ZSWIM4: variants seen among roughly 807,000 people sequenced by gnomAD.
The protein encoded by ZSWIM4 is zinc finger SWIM-type containing 4.
Under a neutral mutation model 102.5 loss-of-function variants are expected in ZSWIM4, and 62 were observed. The observed-to-expected ratio is 0.60, with a 90% CI of 0.49 to 0.75. The LOEUF (loss-of-function observed/expected upper bound fraction) is 0.75, where lower values mean the gene tolerates loss of function less well. ZSWIM4 is among the 30% of genes least tolerant of loss of function. The pLI, the probability that ZSWIM4 is intolerant of heterozygous loss-of-function variation, is 0.00. For synonymous variants in ZSWIM4, 652 were observed against 674.5 expected (o/e 0.97, Z 0.52); for missense variants, 1,280 against 1,529.6 (o/e 0.84, Z 2.72).
chr19:13,830,694 A>G lies in ZSWIM4; in HGVS notation c.2965A>G (p.Ser989Gly). ...LSAIVPLIIRSIHCAPMLSDI... is the reference protein window; with the variant it reads ...LSAIVPLIIRGIHCAPMLSDI... Reference sequence around the variant, plus strand: ...TGCCATCGTCCCCCTCATCATTCGCAGCATCCACTGTGCCCCAATGCTGTC... The same window carrying G: ...TGCCATCGTCCCCCTCATCATTCGCGGCATCCACTGTGCCCCAATGCTGTC... The change falls in exon 14 of 14, where the codon AGC (serine) becomes GGC (glycine). Residue 989 changes from serine to glycine, a missense_variant. Coordinates refer to ENST00000590508, the MANE Select transcript of ZSWIM4 (RefSeq NM_001367834.3). 6.2e-7 allele frequency: 1 copy of G among 1,606,776 alleles called. No individual in the cohort carries two copies. Among genetic ancestry groups the G allele is most frequent in the South Asian group, 1.1e-5 (1 of 90,944 alleles).
rs148123367 is a variant in ZSWIM4 at position 13,799,815 on chromosome 19, G to T, written c.249G>T (p.Ser83=). The T allele has an allele frequency of 3.5e-5, 57 of 1,613,864 alleles. 1 individual carries two copies. In the African/African-American group the frequency reaches 7.2e-4, roughly 20 times the overall value. ...PRSEREICMY[S]SLGYPPPEGE... ...GTGAACGGGAAATATGTATGTACTC[G>T]TCGCTGGGTTACCCGCCCCCAGAGG... Residue 83 remains serine (S), a synonymous_variant, in exon 2 of 14, where the codon TCG becomes TCT. Transcript: ENST00000590508.
In ZSWIM4 at chr19:13,825,776, C is replaced by G; in HGVS notation, c.2379+63C>G. The G allele has an allele frequency of 6.5e-7, 1 of 1,536,174 alleles. No homozygotes were observed. The highest frequency in any genetic ancestry group is 8.7e-7 in the Non-Finnish European group (1 of 1,144,794). ...GCTCGGGGCCAGGACTGACTGTGAGCTGCGCCTCCCGGGGCATGGGCTGAG... is the reference window on the plus strand; with the variant it reads ...GCTCGGGGCCAGGACTGACTGTGAGGTGCGCCTCCCGGGGCATGGGCTGAG... On this transcript the variant is annotated intron_variant, in intron 12 of 13. Transcript: ENST00000590508. The surrounding 1 kb of genome is among the most constrained non-coding windows in gnomAD (Gnocchi z 4.6).
chr19:13,829,273 C>T (rs941389199), intron 13 of ZSWIM4, among the ~76,000 whole-genome samples: 1 of 149,242 alleles, frequency 6.7e-6, no homozygotes, highest in Non-Finnish European at 1.5e-5. Flanking sequence ...AGGGTGAGAC[C>T]CTGTCTCTAA....
chr19:13,815,937 C>T (rs1340398084), intron 7 of ZSWIM4, among the ~76,000 whole-genome samples: 6 of 142,814 alleles, frequency 4.2e-5, no homozygotes, highest in Admixed American at 7.2e-5. Flanking sequence ...AGCGAGACTC[C>T]GTCTCAAAAA....
chr19:13,808,794 C>T (rs1974987895), intron 3 of ZSWIM4, 42 bp from the exon 4 acceptor site: 1 of 1,467,118 alleles, frequency 6.8e-7, no homozygotes, highest in African/African-American at 1.4e-5. Flanking sequence ...CCAACCCCAA[C>T]TCCAGCCCCA....
rs1380285809 is a variant in ZSWIM4 at position 13,814,571 on chromosome 19, C to T, written c.1237C>T (p.Arg413Cys). 2.5e-6 allele frequency: 3 copies of T among 1,181,768 alleles called. No individual in the cohort carries two copies. The highest frequency in any genetic ancestry group is 2.2e-6 in the Non-Finnish European group (2 of 928,264). 73.2% of individuals were successfully genotyped at this position (1,181,768 alleles called of 1,614,324 possible). The stretch of plus-strand genomic sequence containing the variant: ...AAGTCCCCGCCACACGGTATTTGGC[C>T]GCGCCTTGCTGGCTGGAGAGCTACA... Reference protein sequence around the residue: ...ATSPRHTVFGRALLAGELHWN... With the variant: ...ATSPRHTVFGCALLAGELHWN... The change falls in exon 7 of 14, where the codon CGC becomes TGC. Residue 413 changes from arginine (R) to cysteine (C), a missense_variant. Arg to Cys is a radical substitution (Grantham distance 180). Coordinates refer to ENST00000590508, the MANE Select transcript of ZSWIM4 (RefSeq NM_001367834.3).
chr19:13,808,154 C>G (rs1223249497), intron 3 of ZSWIM4, among the ~76,000 whole-genome samples: 1 of 152,020 alleles, frequency 6.6e-6, no homozygotes, highest in Non-Finnish European at 1.5e-5. Context: ...GAAACCATCC[C>G]CATGATCCAG....
At chr19:13,829,334 T>C (rs1342090150) in intron 13 of ZSWIM4, among the ~76,000 whole-genome samples, 1 of 152,084 alleles carries the variant, frequency 6.6e-6, no homozygotes, top group African/African-American at 2.4e-5. Flanking sequence ...CTCACACCTG[T>C]AATCCTAGCA....
chr19:13,804,517 T>G (rs912549336), intron 2 of ZSWIM4, among the ~76,000 whole-genome samples: 2 of 150,790 alleles, frequency 1.3e-5, no homozygotes, highest in Non-Finnish European at 2.9e-5. Flanking sequence ...CATGGTGGTG[T>G]GTGCCTGTAA....
intron 2 of ZSWIM4, 145 bp from the exon 3 acceptor site, chr19:13,804,647 A>C: frequency 5.7e-6 from 1 of 174,074 alleles, no homozygotes; most frequent in South Asian, 1.6e-4. Context: ...ATTTTGTTTC[A>C]AAAAAAAAAA....
intron 8 of ZSWIM4, 120 bp downstream of exon 8, chr19:13,817,473 C>A: frequency 1.5e-6 from 2 of 1,356,054 alleles, no homozygotes; most frequent in South Asian, 1.4e-5. Context: ...CGCCCCTACC[C>A]TTGGCTACCT....
In ZSWIM4 at chr19:13,799,897, G is replaced by C; in HGVS notation, c.331G>C (p.Ala111Pro). ...CGGGCTGCACCTGCTCCAGAGCGGG[G>C]CCGTGGACCGCGTGTTGCAAGTGGG... Reference protein sequence around the residue: ...TRGLHLLQSGAVDRVLQVGFH... With the variant: ...TRGLHLLQSGPVDRVLQVGFH... Residue 111 changes from alanine to proline, a missense_variant, in exon 2 of 14, where the codon GCC (alanine) becomes CCC (proline). Transcript: ENST00000590508. The C allele has an allele frequency of 6.2e-7, 1 of 1,611,992 alleles. No homozygotes were observed. The highest frequency in any genetic ancestry group is 8.5e-7 in the Non-Finnish European group (1 of 1,179,890).
intron 11 of ZSWIM4, among the ~76,000 whole-genome samples, chr19:13,823,812 G>T (rs1184076012): frequency 6.6e-6 from 1 of 152,204 alleles, no homozygotes; most frequent in Non-Finnish European, 1.5e-5. Flanking sequence ...TGAAGATGAG[G>T]TGGAGCCTTG....
intron 12 of ZSWIM4, among the ~76,000 whole-genome samples, chr19:13,827,608 GA>G (rs1348211999): frequency 3.2e-5 from 4 of 123,278 alleles, no homozygotes; most frequent in African/African-American, 1.5e-4. Flanking sequence ...AAAAAAAAAA[GA>G]AAAGAAAAAA....
intron 5 of ZSWIM4, among the ~76,000 whole-genome samples, chr19:13,810,948 T>G (rs1336600294): frequency 1.1e-5 from 1 of 94,172 alleles, no homozygotes; most frequent in African/African-American, 4.2e-5. Context: ...GAGTCTTGCT[T>G]TGTCACCCAG....
chr19:13,817,694 C>T, intron 8 of ZSWIM4, 28 bp from the exon 9 acceptor site: 1 of 1,604,958 alleles, frequency 6.2e-7, no homozygotes, highest in Non-Finnish European at 8.5e-7. Flanking sequence ...GGATCCGTCT[C>T]CAGCAGCCCT....
intron 10 of ZSWIM4, among the ~76,000 whole-genome samples, chr19:13,822,784 G>A (rs1240159265): frequency 2.6e-5 from 4 of 151,998 alleles, no homozygotes; most frequent in African/African-American, 4.8e-5. Context: ...GTTTGAGACC[G>A]GCCTGACCAA....
chr19:13,823,232 C>T, intron 10 of ZSWIM4, 114 bp from the exon 11 acceptor site: 6 of 1,117,268 alleles, frequency 5.4e-6, no homozygotes, highest in Non-Finnish European at 7.7e-6. Context: ...ATCTTGGGCT[C>T]TCAGGGCTCT....
At chr19:13,823,269 A>G (rs945061266) in intron 10 of ZSWIM4, 77 bp from the exon 11 acceptor site, 45 of 1,493,992 alleles carry the variant, frequency 3.0e-5, no homozygotes, top group Non-Finnish European at 3.3e-5. Context: ...AGGCTGGGCC[A>G]GGAGGCTTCT....
Sources: allele counts gnomAD v4.1 joint callset (sites outside exome capture counted in the v4.1 genomes callset), GRCh38; gene constraint gnomAD v4.1.1; non-coding constraint Gnocchi (gnomAD v3.1); transcripts MANE v1.5; gene names NCBI Gene and HGNC (gene_info 2026-07-23, HGNC 2026-07-21).